MKX: variants seen among roughly 807,000 people sequenced by gnomAD.
MKX encodes homeobox protein Mohawk.
A neutral mutation model predicts 36.0 loss-of-function variants in MKX; 13 were observed. The observed-to-expected ratio is 0.36, with a 90% CI of 0.24 to 0.57. The LOEUF is 0.57. MKX is among the 20% of genes least tolerant of loss of function. The pLI, the probability that MKX is intolerant of heterozygous loss-of-function variation, is 0.79. For synonymous variants in MKX, 176 were observed against 178.3 expected (o/e 0.99, Z 0.10); for missense variants, 458 against 456.4 (o/e 1.00, Z -0.03).
chr10:27,723,245 T>C (rs555288988), intron 5 of MKX, among the ~76,000 whole-genome samples: 2 of 152,192 alleles, frequency 1.3e-5, no homozygotes, highest in African/African-American at 4.8e-5. Flanking sequence ...TCCCCATGGG[T>C]TGCTGCATAA....
intron 5 of MKX, among the ~76,000 whole-genome samples, chr10:27,706,418 A>G (rs909025840): frequency 6.6e-6 from 1 of 152,126 alleles, no homozygotes; most frequent in Non-Finnish European, 1.5e-5. Context: ...TTGCTGGATC[A>G]TATGTCAACT....
intron 5 of MKX, among the ~76,000 whole-genome samples, chr10:27,703,580 GA>G (rs768109351): frequency 5.9e-5 from 9 of 151,944 alleles, no homozygotes; most frequent in Non-Finnish European, 1.2e-4. Context: ...TGTACTGCTA[GA>G]AAACACAGAA....
chr10:27,743,513 G>A lies in MKX; in HGVS notation c.-82-16C>T. On this transcript the variant is annotated splice_polypyrimidine_tract_variant and intron_variant, in intron 1 of 6. Coordinates refer to ENST00000419761, the MANE Select transcript of MKX (RefSeq NM_173576.3). ...GGCTCGGCTTCTAGGAGAGGAAGGT[G>A]CATCTCGTTACTTACTGGCTGAGAG... is the stretch of plus-strand genomic sequence containing the variant. 2 of 1,273,690 alleles carry A rather than the reference G, an allele frequency of 1.6e-6. No individual in the cohort carries two copies. Among genetic ancestry groups the A allele is most frequent in the Non-Finnish European group, 2.1e-6 (2 of 950,168 alleles). 78.9% of individuals were successfully genotyped at this position (1,273,690 alleles called of 1,614,324 possible). A position where few individuals can be genotyped will look rare whatever the true frequency, so the allele number is the denominator to read the frequency against.
intron 5 of MKX, among the ~76,000 whole-genome samples, chr10:27,720,793 T>C (rs1834358834): frequency 6.6e-6 from 1 of 151,934 alleles, no homozygotes; most frequent in South Asian, 2.1e-4. Flanking sequence ...ATGCAATAAA[T>C]GGAGAGAGGA....
intron 5 of MKX, among the ~76,000 whole-genome samples, chr10:27,714,870 A>G (rs1444458333): frequency 2.0e-5 from 3 of 152,208 alleles, no homozygotes; most frequent in African/African-American, 7.2e-5. Flanking sequence ...TCAAGGTGCA[A>G]CTTTATTTTC....
rs1297491540 is a variant in MKX at position 27,741,835 on chromosome 10, C to A, written c.189-331G>T. Among the ~76,000 whole-genome samples, 1 of 152,234 alleles carries A rather than the reference C, an allele frequency of 6.6e-6. No individual in the cohort carries two copies. The stretch of plus-strand genomic sequence containing the variant: ...CTGGGCAGCGGGGCTAACTGCTACC[C>A]TTCCCTCACCCGCTGGCGCCGCACC... On this transcript the variant is annotated intron_variant, in intron 2 of 6. Transcript: ENST00000419761. The surrounding 1 kb of genome is among the most constrained non-coding windows in gnomAD (Gnocchi z 5.1).
chr10:27,688,962 T>G (rs760549170), intron 5 of MKX, among the ~76,000 whole-genome samples: 4 of 152,214 alleles, frequency 2.6e-5, no homozygotes, highest in Non-Finnish European at 4.4e-5. Context: ...AAAATGTGCA[T>G]TCATGATCTA....
rs1014296346 is a variant in MKX, at chr10:27,737,747, C to T, written c.349-2373G>A. Reference sequence around the variant, plus strand: ...TAGATCATTCATATTTACTAGAATCCAACTCCAAAACATTTTTGTAACTTT... The same window carrying T: ...TAGATCATTCATATTTACTAGAATCTAACTCCAAAACATTTTTGTAACTTT... On this transcript the variant is annotated intron_variant, in intron 3 of 6. Transcript: ENST00000419761. Among the ~76,000 whole-genome samples the T allele has an allele frequency of 2.6e-5, 4 of 152,030 alleles. No homozygotes were observed. The East Asian group carries it at 5.8e-4, about 22-fold the overall frequency.
chr10:27,718,760 T>A (rs958074299), intron 5 of MKX, among the ~76,000 whole-genome samples: 10 of 152,166 alleles, frequency 6.6e-5, no homozygotes, highest in African/African-American at 2.4e-4. Flanking sequence ...TGGCTTTTTT[T>A]ATTTAACTAA....
chr10:27,745,024 A>T (rs1022097653), intron 1 of MKX: 1 of 152,316 alleles, frequency 6.6e-6, no homozygotes, highest in African/African-American at 2.4e-5. Flanking sequence ...CCCCTGTTCT[A>T]CAGTCAAGAC....
intron 5 of MKX, among the ~76,000 whole-genome samples, chr10:27,723,661 C>G (rs957531460): frequency 1.3e-5 from 2 of 152,188 alleles, no homozygotes; most frequent in African/African-American, 2.4e-5. Context: ...TTAAGGAATT[C>G]TCTCCCTTGC....
intron 5 of MKX, among the ~76,000 whole-genome samples, chr10:27,711,526 C>G (rs1486684303): frequency 2.3e-5 from 3 of 131,722 alleles, no homozygotes; most frequent in Non-Finnish European, 3.2e-5. Context: ...TTCCTTCCTT[C>G]CTTCCTTCCT....
intron 5 of MKX, among the ~76,000 whole-genome samples, chr10:27,724,792 C>CACACACA (rs1554773421): frequency 2.2e-5 from 3 of 138,018 alleles, no homozygotes; most frequent in East Asian, 2.1e-4. Flanking sequence ...CACACACACA[C>CACACACA]CCCGCAGAAA....
rs570692667 is a variant in MKX, at chr10:27,741,788, T to C, written c.189-284A>G. ...GACGAAGGTCAAGTGATTTGAAGAA[T>C]ACTGCTATTCCAGTCGCGTATCTGG... On this transcript the variant is annotated intron_variant, in intron 2 of 6. Coordinates refer to ENST00000419761, the MANE Select transcript of MKX (RefSeq NM_173576.3). This position sits in a 1 kb window ranked among gnomAD's most constrained non-coding sequence, Gnocchi z 5.1. Among the ~76,000 whole-genome samples the C allele has an allele frequency of 1.3e-5, 2 of 152,340 alleles. No homozygotes were observed. The highest frequency in any genetic ancestry group is 3.9e-4 in the East Asian group (2 of 5,174).
chr10:27,735,072 AG>A, intron 4 of MKX, 148 bp downstream of exon 4: 1 of 637,662 alleles, frequency 1.6e-6, no homozygotes, highest in Non-Finnish European at 2.4e-6. Flanking sequence ...GGTCATTTAT[AG>A]TATTATAAAA....
chr10:27,682,060 A>G (rs2132493530), intron 5 of MKX, among the ~76,000 whole-genome samples: 1 of 152,352 alleles, frequency 6.6e-6, no homozygotes, highest in South Asian at 2.1e-4. Context: ...GTGGGACAAG[A>G]CATGGAGGTG....
chr10:27,717,052 G>C (rs1836978640), intron 5 of MKX, among the ~76,000 whole-genome samples: 1 of 152,144 alleles, frequency 6.6e-6, no homozygotes, highest in African/African-American at 2.4e-5. Flanking sequence ...GTTTGAAAGT[G>C]CCAGGAGGCC....
chr10:27,711,499 T>TCTCTCTCTTCCTTTC (rs1554772224), intron 5 of MKX, among the ~76,000 whole-genome samples: 2 of 93,032 alleles, frequency 2.1e-5, no homozygotes, highest in African/African-American at 1.0e-4. Context: ...CTCTCTCTTC[T>TCTCTCTCTTCCTTTC]TTCCTTCCTT....
chr10:27,745,073 A>C (rs1835021722), intron 1 of MKX: 1 of 152,022 alleles, frequency 6.6e-6, no homozygotes, highest in South Asian at 2.1e-4. Flanking sequence ...GCCCTTAGGG[A>C]TGTGTGTTCA....
Sources: allele counts gnomAD v4.1 joint callset (sites outside exome capture counted in the v4.1 genomes callset), GRCh38; gene constraint gnomAD v4.1.1; non-coding constraint Gnocchi (gnomAD v3.1); transcripts MANE v1.5; gene names NCBI Gene and HGNC (gene_info 2026-07-23, HGNC 2026-07-21).